Variants in FRMD3 observed in about 807,000 individuals in gnomAD.
FRMD3 encodes the protein FERM domain containing 3.
Under a neutral mutation model 70.2 loss-of-function variants are expected in FRMD3, and 33 were observed. The ratio of observed to expected loss-of-function variants is 0.47; its 90% CI spans 0.36 to 0.63. The LOEUF (loss-of-function observed/expected upper bound fraction) is 0.63. FRMD3 is among the 20% of genes least tolerant of loss of function. The pLI, the probability that FRMD3 is intolerant of heterozygous loss-of-function variation, is 0.00. For synonymous variants in FRMD3, 279 were observed against 255.9 expected, an observed-to-expected ratio of 1.09 and a Z score of -0.86; for missense variants, 632 against 711.4, an observed-to-expected ratio of 0.89 and a Z score of 1.27.
At chr9:83,560,749 T>C in the FRMD3 span, among the ~76,000 whole-genome samples, 2 of 152,354 alleles carry the variant, frequency 1.3e-5, no homozygotes, top group South Asian at 2.1e-4. Flanking sequence ...AAGTGTTACA[T>C]GTCACTTTCA....
At chr9:83,423,484 G>C (rs1826701754) in intron 1 of FRMD3, among the ~76,000 whole-genome samples, 1 of 149,888 alleles carries the variant, frequency 6.7e-6, no homozygotes, top group Admixed American at 6.7e-5. Context: ...AAGCCTCCTA[G>C]AGTCTCATAT....
intron 1 of FRMD3, among the ~76,000 whole-genome samples, chr9:83,459,424 T>G (rs1329235318): frequency 2.0e-5 from 3 of 152,172 alleles, no homozygotes; most frequent in African/African-American, 7.2e-5. Context: ...CATGTCTGGG[T>G]GGACCATTGT....
Position 83,300,897 on chromosome 9 carries a change from C to T in FRMD3, c.927-1711G>A, listed in dbSNP as rs117880055. On this transcript the variant is annotated intron_variant, in intron 10 of 13. Transcript: ENST00000304195. ...ACCTTAAGTGGTCCTTGTTAAGGAT[C>T]TTGGTCTTTATCGAGAGAACAATGG... Among the ~76,000 whole-genome samples, 1,383 of 152,312 alleles carry T rather than the reference C, an allele frequency of 9.1e-3. 11 individuals carry two copies. Among genetic ancestry groups the T allele is most frequent in the Middle Eastern group, 0.031 (9 of 294 alleles).
intron 1 of FRMD3, among the ~76,000 whole-genome samples, chr9:83,398,616 C>T (rs1051039691): frequency 3.9e-5 from 6 of 152,094 alleles, no homozygotes; most frequent in Admixed American, 3.3e-4. Context: ...CATAACAAAC[C>T]TGCACGTTGT....
chr9:83,436,595 TTAAACA>T (rs1359205527), intron 1 of FRMD3, among the ~76,000 whole-genome samples: 6 of 151,948 alleles, frequency 3.9e-5, no homozygotes, highest in African/African-American at 1.2e-4. Flanking sequence ...GCTTATAAAC[TTAAACA>T]TAAAAGAGTC....
intron 1 of FRMD3, among the ~76,000 whole-genome samples, chr9:83,525,584 C>A (rs1221895020): frequency 1.3e-5 from 2 of 152,164 alleles, no homozygotes; most frequent in East Asian, 3.8e-4. Flanking sequence ...AATGTATTAT[C>A]TACTTAATGC....
At chr9:83,356,976 G>A (rs949316300) in intron 3 of FRMD3, among the ~76,000 whole-genome samples, 5 of 151,140 alleles carry the variant, frequency 3.3e-5, no homozygotes, top group African/African-American at 9.7e-5. Flanking sequence ...TCCCACATAC[G>A]AGTGATAACA....
intron 1 of FRMD3, among the ~76,000 whole-genome samples, chr9:83,394,959 C>T (rs985317664): frequency 1.3e-5 from 2 of 152,036 alleles, no homozygotes; most frequent in Non-Finnish European, 2.9e-5. Context: ...CAGATGTATC[C>T]CCAATTAGAT....
intron 1 of FRMD3, among the ~76,000 whole-genome samples, chr9:83,395,832 T>C (rs1325561846): frequency 6.6e-6 from 1 of 151,976 alleles, no homozygotes; most frequent in East Asian, 1.9e-4. Context: ...AGCGAGGTTT[T>C]GTTCAGCCTT....
chr9:83,467,099 T>G (rs1828148330), intron 1 of FRMD3, among the ~76,000 whole-genome samples: 1 of 152,184 alleles, frequency 6.6e-6, no homozygotes, highest in African/African-American at 2.4e-5. Context: ...CAAAAGAATT[T>G]CAAATTTGTT....
chr9:83,315,441 C>T (rs1002709634), intron 6 of FRMD3, among the ~76,000 whole-genome samples: 2 of 152,102 alleles, frequency 1.3e-5, no homozygotes, highest in African/African-American at 4.8e-5. Flanking sequence ...TAATCCCCAA[C>T]GTTGGAGGAG....
chr9:83,309,439 C>A, intron 10 of FRMD3, 97 bp downstream of exon 10: 2 of 681,748 alleles, frequency 2.9e-6, no homozygotes, highest in South Asian at 2.2e-5. Flanking sequence ...ACTTTTAAAA[C>A]TGTATTAAAA....
chr9:83,468,086 A>G lies in FRMD3; in HGVS notation c.147+69999T>C, dbSNP rs542599960. 3.3e-5 allele frequency among the ~76,000 whole-genome samples: 5 copies of G among 152,350 alleles called. No homozygotes were observed. The East Asian group carries it at 9.6e-4, about 29-fold the overall frequency. On this transcript the variant is annotated intron_variant, in intron 1 of 13. Coordinates refer to ENST00000304195, the MANE Select transcript of FRMD3 (RefSeq NM_174938.6). ...AACATATCTTGTTAGACAACAGGCTACAGTGGCACTGCATAGAGCTAAGCC... is the reference window on the plus strand; with the variant it reads ...AACATATCTTGTTAGACAACAGGCTGCAGTGGCACTGCATAGAGCTAAGCC...
chr9:83,286,066 G>A (rs576347299), intron 13 of FRMD3, among the ~76,000 whole-genome samples: 44 of 152,236 alleles, frequency 2.9e-4, no homozygotes, highest in Non-Finnish European at 5.1e-4. Flanking sequence ...GGGGTCACAC[G>A]TTTTCCCAGA....
intron 1 of FRMD3, among the ~76,000 whole-genome samples, chr9:83,422,059 G>A (rs59365575): frequency 0.027 from 4,152 of 151,966 alleles, 197 homozygotes; most frequent in African/African-American, 0.094. Flanking sequence ...ACCCCGTCTC[G>A]ACTAAAAATA....
intron 1 of FRMD3, among the ~76,000 whole-genome samples, chr9:83,461,665 C>CTTTTTTTTT (rs200147815): frequency 5.7e-5 from 4 of 70,696 alleles, no homozygotes; most frequent in South Asian, 5.1e-4. Flanking sequence ...AGGAATTTCC[C>CTTTTTTTTT]TTTTTTTTTT....
chr9:83,479,624 A>AAGG (rs1828488007), intron 1 of FRMD3, among the ~76,000 whole-genome samples: 1 of 61,432 alleles, frequency 1.6e-5, no homozygotes, highest in African/African-American at 7.0e-5. Flanking sequence ...GACCCTGAAG[A>AAGG]AAGGAAGGAA....
chr9:83,319,258 T>G (rs1564013158), intron 6 of FRMD3, among the ~76,000 whole-genome samples: 1 of 152,308 alleles, frequency 6.6e-6, no homozygotes, highest in East Asian at 1.9e-4. Context: ...TCACAAATTC[T>G]TTGGTGAATG....
At chr9:83,285,457 G>A (rs1834168245) in intron 13 of FRMD3, among the ~76,000 whole-genome samples, 1 of 151,952 alleles carries the variant, frequency 6.6e-6, no homozygotes, top group Non-Finnish European at 1.5e-5. Flanking sequence ...TCTCCATTGT[G>A]CTTTCATTTT....
Sources: gnomAD v4.1 joint callset for allele counts (sites outside exome capture counted in the v4.1 genomes callset) on GRCh38, gnomAD v4.1.1 for gene constraint, MANE v1.5 for transcripts, NCBI Gene and HGNC (gene_info 2026-07-23, HGNC 2026-07-21) for gene names.